The following KIAA1217 variants were observed in gnomAD, a reference collection of about 807,000 sequenced individuals.
KIAA1217 encodes sickle tail protein homolog.
In KIAA1217, 88 loss-of-function variants were observed where a neutral mutation model predicts 163.9. That is an observed-to-expected ratio of 0.54 (90% CI 0.45 to 0.64). The LOEUF is 0.64. Ranked by LOEUF, KIAA1217 falls within the 30% of genes least tolerant of loss-of-function variation. KIAA1217 has a pLI of 0.00. For missense variants in KIAA1217, 2,372 were observed against 2,475.0 expected (o/e 0.96, Z 0.88); for synonymous variants, 903 against 923.1 (o/e 0.98, Z 0.39).
chr10:24,427,448 G>A (rs982910663), intron 3 of KIAA1217, among the ~76,000 whole-genome samples: 7 of 152,180 alleles, frequency 4.6e-5, no homozygotes, highest in African/African-American at 1.2e-4. Context: ...AGAGAGCATG[G>A]CATCTATGAA....
At chr10:23,733,572 T>C (rs1588684423) in intron 1 of KIAA1217, among the ~76,000 whole-genome samples, 1 of 152,164 alleles carries the variant, frequency 6.6e-6, no homozygotes, top group Non-Finnish European at 1.5e-5. Context: ...GCTATGTAAA[T>C]AGTTGTTATG....
intron 2 of KIAA1217, among the ~76,000 whole-genome samples, chr10:24,134,352 A>G (rs375986563): frequency 4.6e-5 from 7 of 152,200 alleles, no homozygotes; most frequent in African/African-American, 1.4e-4. Context: ...GAAGCCAAGC[A>G]TGGGGCAATA....
chr10:24,394,009 G>A (rs1025681605), intron 3 of KIAA1217, among the ~76,000 whole-genome samples: 2 of 152,182 alleles, frequency 1.3e-5, no homozygotes, highest in African/African-American at 4.8e-5. Flanking sequence ...TTAAAATTGT[G>A]TTTGTCAAGC....
At chr10:24,205,456 C>G (rs2067499446), upstream of KIAA1217, among the ~76,000 whole-genome samples, 1 of 151,104 alleles carries the variant, frequency 6.6e-6, no homozygotes. Flanking sequence ...GCCTGGGCGA[C>G]AAGAGCAAAA....
intron 1 of KIAA1217, among the ~76,000 whole-genome samples, chr10:23,841,825 G>GATTTT (rs1588926238): frequency 7.0e-6 from 1 of 141,934 alleles, no homozygotes; most frequent in East Asian, 2.1e-4. Flanking sequence ...ACACCATTGG[G>GATTTT]ACTTTATTTT....
At chr10:24,208,396 TG>T (rs2067687274), upstream of KIAA1217, among the ~76,000 whole-genome samples, 1 of 151,716 alleles carries the variant, frequency 6.6e-6, no homozygotes, top group African/African-American at 2.4e-5. Flanking sequence ...TGTGTGTGTG[TG>T]TGTGTAAGTG....
At chr10:23,904,094 T>G (rs1028745349) in intron 1 of KIAA1217, among the ~76,000 whole-genome samples, 9 of 152,174 alleles carry the variant, frequency 5.9e-5, no homozygotes, top group Admixed American at 1.3e-4. Flanking sequence ...ATGACTTTTT[T>G]TTGTATAAGT....
At chr10:24,434,034 T>C (rs1427984783) in intron 4 of KIAA1217, among the ~76,000 whole-genome samples, 1 of 131,246 alleles carries the variant, frequency 7.6e-6, no homozygotes, top group African/African-American at 2.8e-5. Flanking sequence ...TCTTTTTTTT[T>C]TTTTTTTTTT....
At chr10:23,727,509 G>A (rs188029292) in intron 1 of KIAA1217, among the ~76,000 whole-genome samples, 437 of 152,068 alleles carry the variant, frequency 2.9e-3, no homozygotes, top group Middle Eastern at 0.014. Context: ...GCAGTGAGCC[G>A]AGATCACCCC....
intron 1 of KIAA1217, among the ~76,000 whole-genome samples, chr10:23,724,230 T>G (rs1173414250): frequency 6.6e-6 from 1 of 152,182 alleles, no homozygotes; most frequent in African/African-American, 2.4e-5. Flanking sequence ...GGGACACAGA[T>G]CCAAACTATA....
At chr10:24,245,490 C>G (rs2073683163) in intron 2 of KIAA1217, among the ~76,000 whole-genome samples, 1 of 152,144 alleles carries the variant, frequency 6.6e-6, no homozygotes. Context: ...GGGCTGCAGC[C>G]TCATACGTTT....
intron 4 of KIAA1217, 78 bp downstream of exon 4, chr10:24,433,271 G>GTTT: frequency 9.8e-7 from 1 of 1,022,486 alleles, no homozygotes; most frequent in Non-Finnish European, 1.4e-6. Context: ...TTTTTGAGGG[G>GTTT]TTTTTTTTTA....
chr10:23,719,823 A>G (rs1011138288), intron 1 of KIAA1217, among the ~76,000 whole-genome samples: 16 of 151,778 alleles, frequency 1.1e-4, no homozygotes, highest in Admixed American at 6.6e-5. Flanking sequence ...GAGGCTGAGG[A>G]GGATCTCTTG....
At chr10:23,723,078 C>A (rs1294322221) in intron 1 of KIAA1217, among the ~76,000 whole-genome samples, 1 of 152,144 alleles carries the variant, frequency 6.6e-6, no homozygotes, top group Non-Finnish European at 1.5e-5. Flanking sequence ...ATTCTTTGAC[C>A]AGTCACTGGC....
chr10:24,367,077 C>A (rs1591360815), intron 2 of KIAA1217: 1 of 840,182 alleles, frequency 1.2e-6, no homozygotes, highest in East Asian at 1.2e-4. Context: ...GTTTTCACCC[C>A]TTTTCTTTCC....
At chr10:23,739,624 T>C (rs144243580) in intron 1 of KIAA1217, among the ~76,000 whole-genome samples, 3 of 152,160 alleles carry the variant, frequency 2.0e-5, no homozygotes, top group African/African-American at 4.8e-5. Context: ...TTTTTGTACA[T>C]GAGATGGGAA....
chr10:24,019,509 T>C (rs914039085), intron 2 of KIAA1217, among the ~76,000 whole-genome samples: 5 of 151,872 alleles, frequency 3.3e-5, no homozygotes, highest in Non-Finnish European at 5.9e-5. Flanking sequence ...GTGGGGAAGA[T>C]AGAACACATT....
intron 13 of KIAA1217, among the ~76,000 whole-genome samples, chr10:24,527,251 G>T (rs935749133): frequency 6.6e-6 from 1 of 151,700 alleles, no homozygotes; most frequent in Admixed American, 6.6e-5. Context: ...TGTTCTTAGT[G>T]TTGTGGGTTT....
At chr10:24,123,284 C>G (rs1052468329) in intron 2 of KIAA1217, among the ~76,000 whole-genome samples, 1 of 151,976 alleles carries the variant, frequency 6.6e-6, no homozygotes, top group Non-Finnish European at 1.5e-5. Context: ...TGTTTACATT[C>G]AACATTATTT....
Sources: allele counts gnomAD v4.1 joint callset (sites outside exome capture counted in the v4.1 genomes callset), GRCh38; gene constraint gnomAD v4.1.1; transcripts MANE v1.5; gene names NCBI Gene and HGNC (gene_info 2026-07-23, HGNC 2026-07-21).